Variants in SYNPR observed in about 807,000 individuals in gnomAD.
SYNPR encodes the protein synaptoporin.
A neutral mutation model predicts 32.9 loss-of-function variants in SYNPR; 23 were observed. The observed-to-expected ratio is 0.70, with a 90% CI of 0.50 to 0.99. SYNPR has a LOEUF of 0.99. Among genes scored for constraint, SYNPR ranks in the 50% least tolerant of loss-of-function variants. SYNPR has a pLI of 0.00. For missense variants in SYNPR, 318 were observed against 349.3 expected (o/e 0.91, Z 0.71); for synonymous variants, 146 against 135.9 (o/e 1.07, Z -0.52).
chr3:63,515,478 T>G (rs1405996547), intron 3 of SYNPR, among the ~76,000 whole-genome samples: 1 of 152,146 alleles, frequency 6.6e-6, no homozygotes, highest in Non-Finnish European at 1.5e-5. Flanking sequence ...TACTTCTCTC[T>G]TATTCTTTTT....
chr3:63,294,104 C>G (rs2086770201), intron 2 of SYNPR, among the ~76,000 whole-genome samples: 1 of 152,108 alleles, frequency 6.6e-6, no homozygotes, highest in South Asian at 2.1e-4. Context: ...TGTGATTATG[C>G]TGTATGCCTC....
chr3:63,434,196 C>T (rs958951652), intron 2 of SYNPR, among the ~76,000 whole-genome samples: 7 of 152,140 alleles, frequency 4.6e-5, no homozygotes, highest in Non-Finnish European at 8.8e-5. Flanking sequence ...GTTCTGGAGG[C>T]ATAGTGGTTT....
rs565767637 is a variant in SYNPR, at chr3:63,367,704, A to G, written c.84+88962A>G. On this transcript the variant is annotated intron_variant, in intron 2 of 5. Transcript: ENST00000478300. ...ATTCATGAGCTAGTTACCAATTTTAATACTAATATTTCAACTAGGGAAACA... is the reference window on the plus strand; with the variant it reads ...ATTCATGAGCTAGTTACCAATTTTAGTACTAATATTTCAACTAGGGAAACA... Among the ~76,000 whole-genome samples, 52 of 152,270 alleles carry G rather than the reference A, an allele frequency of 3.4e-4. No homozygotes were observed. The South Asian group carries it at 0.01, about 30-fold the overall frequency.
Position 63,616,372 on chromosome 3 carries a change from T to C in SYNPR, c.*891T>C, listed in dbSNP as rs1700278714. The C allele has an allele frequency of 6.6e-6, 1 of 152,326 alleles. No homozygotes were observed. Among genetic ancestry groups the C allele is most frequent in the East Asian group, 1.9e-4 (1 of 5,184 alleles). 9.4% of individuals were successfully genotyped at this position (152,326 alleles called of 1,614,324 possible). On this transcript the variant is annotated 3_prime_UTR_variant, in exon 6 of 6. Transcript: ENST00000478300. ...TTTGTGTTTATGGAGTGTTGTTTTCTTAGAATAATGGAGATGCAGATATAG... is the reference window on the plus strand; with the variant it reads ...TTTGTGTTTATGGAGTGTTGTTTTCCTAGAATAATGGAGATGCAGATATAG...
chr3:63,262,077 T>G (rs2086442797), intron 2 of SYNPR, among the ~76,000 whole-genome samples: 1 of 149,464 alleles, frequency 6.7e-6, no homozygotes, highest in Non-Finnish European at 1.5e-5. Flanking sequence ...CCATTACAGT[T>G]TTCATTTTTA....
chr3:63,245,711 G>GAC, intron 1 of SYNPR, among the ~76,000 whole-genome samples: 1 of 39,976 alleles, frequency 2.5e-5, no homozygotes, highest in Admixed American at 2.7e-4. Context: ...GAGAGAGAGA[G>GAC]TGTGTGTGTG....
chr3:63,346,752 T>C (rs928670912), intron 2 of SYNPR, among the ~76,000 whole-genome samples: 10 of 152,210 alleles, frequency 6.6e-5, no homozygotes, highest in Non-Finnish European at 1.0e-4. Flanking sequence ...ATTACAGGCA[T>C]GAGCCACCAC....
chr3:63,408,186 GAAAGAAAGAGGA>G lies in SYNPR; in HGVS notation c.85-72644_85-72633del, dbSNP rs1343905844. 9.6e-4 allele frequency among the ~76,000 whole-genome samples: 92 copies of G among 95,360 alleles called. 5 individuals carry two copies. Among genetic ancestry groups the G allele is most frequent in the African/African-American group, 3.1e-3 (70 of 22,512 alleles). 62.6% of individuals were successfully genotyped at this position (95,360 alleles called of 152,430 possible). On this transcript the variant is annotated intron_variant, in intron 2 of 5. Coordinates refer to ENST00000478300, the MANE Select transcript of SYNPR (RefSeq NM_001130003.2). ...AGAAAGAAAGAAAGAAAGAAAGAAA[GAAAGAAAGAGGA>G]AGGAAGGAAGGAAGGAAGGAAGGAA...
intron 2 of SYNPR, among the ~76,000 whole-genome samples, chr3:63,279,796 C>T (rs1201055566): frequency 1.3e-5 from 2 of 152,172 alleles, no homozygotes; most frequent in African/African-American, 4.8e-5. Flanking sequence ...ATTGTTTACA[C>T]GGATGATCTA....
intron 2 of SYNPR, among the ~76,000 whole-genome samples, chr3:63,263,683 G>A (rs939534528): frequency 6.6e-6 from 1 of 152,130 alleles, no homozygotes; most frequent in Non-Finnish European, 1.5e-5. Context: ...CACAGCTGAG[G>A]GCAAGGGCAC....
intron 2 of SYNPR, among the ~76,000 whole-genome samples, chr3:63,343,577 C>G (rs1186084523): frequency 6.6e-6 from 1 of 152,112 alleles, no homozygotes; most frequent in African/African-American, 2.4e-5. Flanking sequence ...TGTTGAGCTT[C>G]CAACGCAGCT....
intron 4 of SYNPR, among the ~76,000 whole-genome samples, chr3:63,583,408 T>G: frequency 6.6e-6 from 1 of 152,210 alleles, no homozygotes; most frequent in Middle Eastern, 3.4e-3. Context: ...AAATATAAGG[T>G]TATAAGAAAA....
chr3:63,367,186 G>C (rs941216010), intron 2 of SYNPR, among the ~76,000 whole-genome samples: 2 of 152,138 alleles, frequency 1.3e-5, no homozygotes, highest in African/African-American at 4.8e-5. Flanking sequence ...ACTGGGGAAA[G>C]TAAGGAGTAA....
intron 3 of SYNPR, among the ~76,000 whole-genome samples, chr3:63,490,154 A>T (rs1701232610): frequency 6.6e-6 from 1 of 152,146 alleles, no homozygotes; most frequent in Admixed American, 6.5e-5. Context: ...AGCCTCAAAG[A>T]TGTCTGAGGG....
chr3:63,426,528 C>A (rs1471206028), intron 2 of SYNPR, among the ~76,000 whole-genome samples: 1 of 152,144 alleles, frequency 6.6e-6, no homozygotes, highest in Non-Finnish European at 1.5e-5. Flanking sequence ...GGGAGGTATG[C>A]AGGCACGTAT....
intron 2 of SYNPR, among the ~76,000 whole-genome samples, chr3:63,263,557 G>T (rs558864692): frequency 1.3e-5 from 2 of 152,188 alleles, no homozygotes; most frequent in Non-Finnish European, 2.9e-5. Flanking sequence ...GGAGGCTCAC[G>T]TCTGTTCCAC....
intron 2 of SYNPR, among the ~76,000 whole-genome samples, chr3:63,313,468 G>GT (rs1206460965): frequency 2.0e-5 from 3 of 151,134 alleles, no homozygotes; most frequent in Non-Finnish European, 4.4e-5. Flanking sequence ...TCAATGTGTG[G>GT]TTTTCCATTC....
chr3:63,305,924 A>T (rs1421643195), intron 2 of SYNPR, among the ~76,000 whole-genome samples: 4 of 151,982 alleles, frequency 2.6e-5, no homozygotes, highest in Non-Finnish European at 5.9e-5. Context: ...ATATTTGGTC[A>T]TTCAGTGTCC....
chr3:63,303,018 C>A (rs2086873233), intron 2 of SYNPR, among the ~76,000 whole-genome samples: 1 of 151,440 alleles, frequency 6.6e-6, no homozygotes, highest in Admixed American at 6.6e-5. Context: ...CAAGTGTACT[C>A]CAAAAAAATT....
Sources: allele counts gnomAD v4.1 joint callset (sites outside exome capture counted in the v4.1 genomes callset), GRCh38; gene constraint gnomAD v4.1.1; transcripts MANE v1.5; gene names NCBI Gene and HGNC (gene_info 2026-07-23, HGNC 2026-07-21).